TNRC6B: variants seen among roughly 807,000 people sequenced by gnomAD.
TNRC6B encodes the protein trinucleotide repeat containing adaptor 6B, also known as trinucleotide repeat-containing gene 6B protein.
TNRC6B carries 52 observed loss-of-function variants against 203.6 expected under a neutral mutation model. That is an observed-to-expected ratio of 0.26 (90% CI 0.20 to 0.32). TNRC6B has a LOEUF of 0.32. TNRC6B is among the 10% of genes least tolerant of loss of function. The pLI is 1.00. For missense variants in TNRC6B, 1,923 were observed against 2,286.2 expected (o/e 0.84, Z 3.24); for synonymous variants, 838 against 845.7 (o/e 0.99, Z 0.16).
chr22:40,182,959 G>A (rs1039559345), intron 1 of TNRC6B, among the ~76,000 whole-genome samples: 7 of 152,080 alleles, frequency 4.6e-5, no homozygotes, highest in African/African-American at 9.7e-5. Flanking sequence ...CTCCTAAATT[G>A]TATCACCATC....
chr22:40,166,877 G>A (rs1221757384), intron 4 of TNRC6B, among the ~76,000 whole-genome samples: 1 of 148,140 alleles, frequency 6.8e-6, no homozygotes, highest in African/African-American at 2.5e-5. Context: ...CCTGGGTGAC[G>A]GAGTGAGACT....
intron 3 of TNRC6B, among the ~76,000 whole-genome samples, chr22:40,141,056 A>T (rs559980529): frequency 1.3e-5 from 2 of 152,250 alleles, no homozygotes; most frequent in East Asian, 3.9e-4. Context: ...TAACAGATAC[A>T]TCCACTTAAC....
intron 12 of TNRC6B, among the ~76,000 whole-genome samples, chr22:40,289,841 A>C (rs2070845028): frequency 6.6e-6 from 1 of 152,190 alleles, no homozygotes; most frequent in Non-Finnish European, 1.5e-5. Context: ...TTCAAAACAC[A>C]GCTTCTGATC....
At chr22:40,308,458 G>C in intron 15 of TNRC6B, 54 bp from the exon 16 acceptor site, 1 of 1,609,980 alleles carries the variant, frequency 6.2e-7, no homozygotes, top group Non-Finnish European at 8.5e-7. Context: ...CTCTGCTTCA[G>C]AACTCTTGAT....
chr22:40,329,299 A>G lies in TNRC6B; in HGVS notation c.*6058A>G, dbSNP rs2071439035. 6.6e-6 allele frequency: 1 copy of G among 152,244 alleles called. No homozygotes were observed. The highest frequency in any genetic ancestry group is 2.1e-4 in the South Asian group (1 of 4,836). The allele number at this position is 152,244 out of a possible 1,614,324, so 9.4% of individuals were successfully genotyped here. A position where few individuals can be genotyped will look rare whatever the true frequency, so the allele number is the denominator to read the frequency against. ...ACATAATGCTATTGAGGACATTGTC[A>G]TTCTGTAAGAAAACAGAATATTATC... On this transcript the variant is annotated 3_prime_UTR_variant, in exon 23 of 23. Transcript: ENST00000454349.
Position 40,328,017 on chromosome 22 carries a change from T to C in TNRC6B, c.*4776T>C, listed in dbSNP as rs1275814985. 2 of 152,194 alleles carry C rather than the reference T, an allele frequency of 1.3e-5. No homozygotes were observed. Among genetic ancestry groups the C allele is most frequent in the East Asian group, 3.8e-4 (2 of 5,198 alleles). The allele number at this position is 152,194 out of a possible 1,614,324, so 9.4% of individuals were successfully genotyped here. ...CACACCAGACAGAGGACCTCTGCTG[T>C]CAATTAGATCCAGTATCATGACCTA... On this transcript the variant is annotated 3_prime_UTR_variant, in exon 23 of 23. Coordinates refer to ENST00000454349, the MANE Select transcript of TNRC6B (RefSeq NM_001162501.2).
chr22:40,291,316 T>C lies in TNRC6B; in HGVS notation c.3708+5546T>C, dbSNP rs865990337. 9.2e-5 allele frequency among the ~76,000 whole-genome samples: 14 copies of C among 151,894 alleles called. 1 individual carries two copies. The highest frequency in any genetic ancestry group is 3.4e-3 in the Middle Eastern group (1 of 294). On this transcript the variant is annotated intron_variant, in intron 12 of 22. Coordinates refer to ENST00000454349, the MANE Select transcript of TNRC6B (RefSeq NM_001162501.2). Reference sequence around the variant, plus strand: ...GAGAGGATGACCTGAGCCCAGGAGGTTGAGGCTGCAGTGAGCCATGGTGAC... The same window carrying C: ...GAGAGGATGACCTGAGCCCAGGAGGCTGAGGCTGCAGTGAGCCATGGTGAC...
In TNRC6B at chr22:40,050,585, G is replaced by A. The variant is rs9623116; in HGVS notation, c.-121+5587G>A. On this transcript the variant is annotated intron_variant, in intron 1 of 23. Coordinates refer to the TNRC6B transcript ENST00000301923. ...CAGAAAGGCCCTCCTTTATGCTCTC[G>A]TCCCACTACCCCCATCCACCCTCAG... 2.5e-3 allele frequency among the ~76,000 whole-genome samples: 373 copies of A among 152,040 alleles called. 2 individuals carry two copies. Among genetic ancestry groups the A allele is most frequent in the African/African-American group, 3.5e-3 (144 of 41,448 alleles).
In TNRC6B at chr22:40,322,970, C is replaced by G. The variant is rs201313925; in HGVS notation, c.5231C>G (p.Ala1744Gly). 12 of 1,612,386 alleles carry G rather than the reference C, an allele frequency of 7.4e-6. No homozygotes were observed. The highest frequency in any genetic ancestry group is 1.0e-5 in the Non-Finnish European group (12 of 1,179,178). Reference protein sequence around the residue: ...TPAATPSAPAAGWQSLETGQN... With the variant: ...TPAATPSAPAGGWQSLETGQN... The stretch of plus-strand genomic sequence containing the variant: ...GCAGCAACCCCAAGTGCGCCAGCTG[C>G]GGGGTGGCAGTCGCTGGAGACCGGC... Residue 1744 changes from alanine to glycine, a missense_variant, in exon 23 of 23, where the codon GCG (alanine) becomes GGG (glycine). By Grantham distance (60) the Ala-to-Gly change is moderately conservative. This residue lies in a region of TNRC6B where 126 missense variants were observed against 137.5 expected (regional missense o/e 0.92). Transcript: ENST00000454349.
At position 40,188,425 on chromosome 22, in the gene TNRC6B, C is replaced by T. The variant is rs574901470; in HGVS notation, c.5+10285C>T. ...TTTGTTTAATCAGTATGACTTCTTA[C>T]ATTTTTGTTTTTCTTTAGAAGTGCA... On this transcript the variant is annotated intron_variant, in intron 1 of 22. Transcript: ENST00000454349. Among the ~76,000 whole-genome samples the T allele has an allele frequency of 5.9e-5, 9 of 152,244 alleles. No homozygotes were observed. In the South Asian group the frequency reaches 1.5e-3, roughly 25 times the overall value.
rs371585541 is a variant in TNRC6B at position 40,200,041 on chromosome 22, C to T, written c.5+21901C>T. Among the ~76,000 whole-genome samples, 7 of 151,516 alleles carry T rather than the reference C, an allele frequency of 4.6e-5. No individual in the cohort carries two copies. In the East Asian group the frequency reaches 7.8e-4, roughly 17 times the overall value. On this transcript the variant is annotated intron_variant, in intron 1 of 22. Coordinates refer to ENST00000454349, the MANE Select transcript of TNRC6B (RefSeq NM_001162501.2). ...CTTGAACTCCTGACTTCAAGTGATC[C>T]GCCCGACTCGGCCTCTCAAAGTGCT...
intron 1 of TNRC6B, among the ~76,000 whole-genome samples, chr22:40,201,282 T>C (rs1256866564): frequency 5.9e-5 from 9 of 152,130 alleles, no homozygotes; most frequent in African/African-American, 2.2e-4. Flanking sequence ...AGATGGAGAA[T>C]AGGGAACATG....
chr22:40,136,543 A>G (rs549157845), intron 3 of TNRC6B, among the ~76,000 whole-genome samples: 137 of 151,410 alleles, frequency 9.0e-4, no homozygotes, highest in African/African-American at 3.3e-3. Context: ...GGGACCATAG[A>G]TGCATGCCAC....
chr22:40,173,187 C>T (rs1161473269), upstream of TNRC6B, among the ~76,000 whole-genome samples: 2 of 152,048 alleles, frequency 1.3e-5, no homozygotes, highest in South Asian at 4.1e-4. Context: ...ACCTCCACCT[C>T]GCGGATTCAA....
At chr22:40,282,327 ACTAT>A (rs2070729598) in intron 11 of TNRC6B, among the ~76,000 whole-genome samples, 1 of 152,188 alleles carries the variant, frequency 6.6e-6, no homozygotes, top group Admixed American at 6.5e-5. Flanking sequence ...AATGGATTAT[ACTAT>A]ATCCATGTGT....
At chr22:40,277,839 A>G (rs1327468880) in intron 8 of TNRC6B, among the ~76,000 whole-genome samples, 160 bp from the exon 9 acceptor site, 1 of 152,254 alleles carries the variant, frequency 6.6e-6, no homozygotes, top group African/African-American at 2.4e-5. Flanking sequence ...CAATCAAGCT[A>G]GCATATTAAA....
At chr22:40,279,969 T>G in intron 9 of TNRC6B, 26 bp from the exon 10 acceptor site, 1 of 1,611,972 alleles carries the variant, frequency 6.2e-7, no homozygotes, top group Non-Finnish European at 8.5e-7. Flanking sequence ...TCTGGAAATT[T>G]TCACTCTGTG....
intron 17 of TNRC6B, among the ~76,000 whole-genome samples, chr22:40,312,159 G>A (rs1168296620): frequency 2.0e-5 from 3 of 152,156 alleles, no homozygotes; most frequent in Non-Finnish European, 2.9e-5. Flanking sequence ...CCGGTTCTTG[G>A]CCTAGATGCT....
At chr22:40,313,340 C>G (rs945437795) in intron 19 of TNRC6B, among the ~76,000 whole-genome samples, 17 of 152,000 alleles carry the variant, frequency 1.1e-4, no homozygotes, top group Admixed American at 9.8e-4. Context: ...CAGTGAAGGC[C>G]AGGTTATTAT....
Sources: gnomAD v4.1 joint callset for allele counts (sites outside exome capture counted in the v4.1 genomes callset) on GRCh38, gnomAD v4.1.1 for gene constraint, gnomAD v4.1.1 regional missense constraint, MANE v1.5 for transcripts, NCBI Gene and HGNC (gene_info 2026-07-23, HGNC 2026-07-21) for gene names.